CSMD1: variants seen among roughly 807,000 people sequenced by gnomAD.
CSMD1 encodes the protein CUB and Sushi multiple domains 1.
Under a neutral mutation model 417.5 loss-of-function variants are expected in CSMD1, and 213 were observed. The observed-to-expected ratio is 0.51, with a 90% CI of 0.46 to 0.57. The LOEUF (loss-of-function observed/expected upper bound fraction) is 0.57. Ranked by LOEUF, CSMD1 falls within the 20% of genes least tolerant of loss-of-function variation. The probability of loss-of-function intolerance (pLI) is 0.00; values close to 1 mark genes in which losing one functional copy is unlikely to be tolerated. For missense variants in CSMD1, 6,923 were observed against 4,529.7 expected (o/e 1.53, Z -15.17); for synonymous variants, 2,862 against 1,736.8 (o/e 1.65, Z -16.11).
At chr8:3,983,762 G>C (rs188746103) in intron 5 of CSMD1, among the ~76,000 whole-genome samples, 1 of 152,268 alleles carries the variant, frequency 6.6e-6, no homozygotes, top group East Asian at 1.9e-4. Flanking sequence ...TGATGGGGCT[G>C]TCAACTGCAC....
At chr8:3,991,265 G>C (rs766296197) in intron 5 of CSMD1, among the ~76,000 whole-genome samples, 19 of 152,198 alleles carry the variant, frequency 1.2e-4, no homozygotes, top group African/African-American at 4.1e-4. Context: ...GAATTAGCTG[G>C]TATTGAAAGA....
At chr8:3,836,690 T>C (rs964425262) in intron 5 of CSMD1, among the ~76,000 whole-genome samples, 1 of 152,090 alleles carries the variant, frequency 6.6e-6, no homozygotes, top group Non-Finnish European at 1.5e-5. Flanking sequence ...TTGTTCAATA[T>C]GGTTAGAATT....
intron 5 of CSMD1, among the ~76,000 whole-genome samples, chr8:3,926,102 C>G (rs796945186): frequency 1.9e-5 from 1 of 52,094 alleles, no homozygotes; most frequent in African/African-American, 6.1e-5. Context: ...CACACACACA[C>G]ACACACACAC....
chr8:3,773,079 G>A (rs1013488879), intron 5 of CSMD1, among the ~76,000 whole-genome samples: 3 of 152,040 alleles, frequency 2.0e-5, no homozygotes, highest in African/African-American at 2.4e-5. Context: ...TCTTCTATAA[G>A]GACACTAATC....
intron 5 of CSMD1, among the ~76,000 whole-genome samples, chr8:3,809,765 A>T (rs148849430): frequency 1.3e-5 from 2 of 152,174 alleles, no homozygotes; most frequent in Admixed American, 6.5e-5. Context: ...AGACAACAGG[A>T]AAGTATTAGA....
chr8:4,049,500 T>G (rs1798312895), intron 3 of CSMD1, among the ~76,000 whole-genome samples: 1 of 151,476 alleles, frequency 6.6e-6, no homozygotes, highest in Middle Eastern at 3.4e-3. Flanking sequence ...ATCCCCTTTT[T>G]GAATAAGATT....
At chr8:3,937,563 A>T (rs937743072) in intron 5 of CSMD1, among the ~76,000 whole-genome samples, 1 of 152,188 alleles carries the variant, frequency 6.6e-6, no homozygotes, top group African/African-American at 2.4e-5. Context: ...ACTCAACAGA[A>T]TGCAGTGTCA....
intron 1 of CSMD1, among the ~76,000 whole-genome samples, chr8:4,761,843 CTATCT>C (rs1563318776): frequency 0.014 from 994 of 68,702 alleles, 3 homozygotes; most frequent in African/African-American, 0.015. Context: ...ATGCATCTAT[CTATCT>C]ATCTATCTAT....
At chr8:3,842,790 A>G (rs1803219537) in intron 5 of CSMD1, among the ~76,000 whole-genome samples, 1 of 152,228 alleles carries the variant, frequency 6.6e-6, no homozygotes, top group African/African-American at 2.4e-5. Context: ...ACTGTCTTTT[A>G]AAAAGTTGGA....
intron 3 of CSMD1, among the ~76,000 whole-genome samples, chr8:4,227,823 A>G (rs111664941): frequency 0.016 from 2,350 of 148,644 alleles, 22 homozygotes; most frequent in Non-Finnish European, 0.025. Context: ...ACCAGGAGAC[A>G]TACTCTCCAT....
At chr8:4,628,643 C>A (rs896558737) in intron 2 of CSMD1, among the ~76,000 whole-genome samples, 3 of 151,494 alleles carry the variant, frequency 2.0e-5, no homozygotes, top group Non-Finnish European at 4.4e-5. Context: ...ACATGCCCTG[C>A]CAGGGACACT....
chr8:3,602,316 T>C (rs1801402534), intron 8 of CSMD1, among the ~76,000 whole-genome samples: 1 of 152,142 alleles, frequency 6.6e-6, no homozygotes, highest in African/African-American at 2.4e-5. Flanking sequence ...GGCAGATCAA[T>C]GAACACTAAC....
chr8:2,955,550 T>C (rs1200491670), intron 64 of CSMD1, 39 bp downstream of exon 64: 1 of 1,605,250 alleles, frequency 6.2e-7, no homozygotes. Flanking sequence ...TTTCCCTTGC[T>C]CTTTGGAAAA....
In CSMD1 at chr8:4,295,709, G is replaced by T. The variant is rs540003435; in HGVS notation, c.415+124244C>A. On this transcript the variant is annotated intron_variant, in intron 3 of 69. Coordinates refer to ENST00000635120, the MANE Select transcript of CSMD1 (RefSeq NM_033225.6). The stretch of plus-strand genomic sequence containing the variant: ...ACATGTTATATATGTTATATATTGT[G>T]TTAAAATTATATATATCTGTGTGTG... 7.2e-4 allele frequency among the ~76,000 whole-genome samples: 100 copies of T among 139,716 alleles called. 3 individuals carry two copies. The South Asian group carries it at 0.022, about 31-fold the overall frequency. 91.7% of individuals were successfully genotyped at this position (139,716 alleles called of 152,430 possible).
chr8:4,700,174 G>A (rs1208961490), intron 1 of CSMD1, among the ~76,000 whole-genome samples: 1 of 151,998 alleles, frequency 6.6e-6, no homozygotes, highest in Non-Finnish European at 1.5e-5. Context: ...TTCAGTTCAT[G>A]TTTATGAAAC....
intron 3 of CSMD1, among the ~76,000 whole-genome samples, chr8:4,319,752 G>T (rs1189218051): frequency 6.6e-6 from 1 of 152,192 alleles, no homozygotes; most frequent in Non-Finnish European, 1.5e-5. Context: ...GGGGGCCAAA[G>T]GCTGCTAGAG....
chr8:4,416,291 A>T (rs1311600858), intron 3 of CSMD1, among the ~76,000 whole-genome samples: 1 of 152,160 alleles, frequency 6.6e-6, no homozygotes, highest in Non-Finnish European at 1.5e-5. Context: ...AATACAATTA[A>T]CTTCCGAAAA....
At chr8:4,624,526 C>T (rs1801984117) in intron 2 of CSMD1, among the ~76,000 whole-genome samples, 1 of 152,088 alleles carries the variant, frequency 6.6e-6, no homozygotes, top group African/African-American at 2.4e-5. Context: ...TGCCTTTGGC[C>T]TGCACTGGAA....
intron 3 of CSMD1, among the ~76,000 whole-genome samples, chr8:4,409,073 T>C (rs1456186530): frequency 1.3e-5 from 2 of 152,244 alleles, no homozygotes; most frequent in African/African-American, 2.4e-5. Flanking sequence ...ATTTATTGGA[T>C]AGCAGACTGT....
Sources: gnomAD v4.1 joint callset for allele counts (sites outside exome capture counted in the v4.1 genomes callset) on GRCh38, gnomAD v4.1.1 for gene constraint, MANE v1.5 for transcripts, NCBI Gene and HGNC (gene_info 2026-07-23, HGNC 2026-07-21) for gene names.